Variants in PTPRD observed in about 807,000 individuals in gnomAD.
PTPRD encodes the protein protein tyrosine phosphatase receptor type D.
A neutral mutation model predicts 214.5 loss-of-function variants in PTPRD; 34 were observed. The ratio of observed to expected loss-of-function variants is 0.16; its 90% CI spans 0.12 to 0.21. The LOEUF (loss-of-function observed/expected upper bound fraction) is 0.21. Among genes scored for constraint, PTPRD ranks in the 10% least tolerant of loss-of-function variants. PTPRD has a pLI of 1.00. For synonymous variants in PTPRD, 1,128 were observed against 845.7 expected (o/e 1.33, Z -5.79); for missense variants, 2,545 against 2,398.7 (o/e 1.06, Z -1.27).
intron 5 of PTPRD, among the ~76,000 whole-genome samples, chr9:9,847,311 T>G (rs2153656249): frequency 6.6e-6 from 1 of 152,280 alleles, no homozygotes; most frequent in South Asian, 2.1e-4. Flanking sequence ...ACTGATGTGT[T>G]CTATGGTATT....
At chr9:8,989,770 G>T (rs2099359231) in intron 11 of PTPRD, among the ~76,000 whole-genome samples, 1 of 152,040 alleles carries the variant, frequency 6.6e-6, no homozygotes, top group African/African-American at 2.4e-5. Flanking sequence ...TTTGTTTTAT[G>T]CTCAAAAGAT....
chr9:8,460,010 T>C (rs377268136), intron 33 of PTPRD, among the ~76,000 whole-genome samples: 6 of 152,234 alleles, frequency 3.9e-5, no homozygotes, highest in African/African-American at 1.4e-4. Flanking sequence ...TGTATACAAA[T>C]TGCAAAATCG....
chr9:8,733,493 G>A (rs1324243363), intron 12 of PTPRD, among the ~76,000 whole-genome samples: 1 of 152,032 alleles, frequency 6.6e-6, no homozygotes, highest in East Asian at 1.9e-4. Context: ...TATATCCTTG[G>A]TCTCATAATA....
At chr9:9,569,107 A>C (rs1246070508) in intron 8 of PTPRD, among the ~76,000 whole-genome samples, 1 of 151,778 alleles carries the variant, frequency 6.6e-6, no homozygotes, top group Non-Finnish European at 1.5e-5. Flanking sequence ...TCATTTTCTT[A>C]ATTCTTACTC....
chr9:8,331,574 A>AAACTTACGATTCCTGAACTGT lies in PTPRD; in HGVS notation c.5534+7_5534+8insACAGTTCAGGAATCGTAAGTT, dbSNP rs368394000. ...TTATCACTGCTTTATTCACAAATGG[A>AAACTTACGATTCCTGAACTGT]AACTTACCTGCAATGGACTGAAATG... On this transcript the variant is annotated splice_region_variant and intron_variant, in intron 44 of 45. Coordinates refer to ENST00000381196, the MANE Select transcript of PTPRD (RefSeq NM_002839.4). The AAACTTACGATTCCTGAACTGT allele has an allele frequency of 8.8e-5, 142 of 1,612,180 alleles. 1 individual carries two copies. In the South Asian group the frequency reaches 1.4e-3, roughly 16 times the overall value.
chr9:9,938,474 G>A (rs569481487), intron 5 of PTPRD, 33 bp downstream of exon 5: 1 of 152,182 alleles, frequency 6.6e-6, no homozygotes, highest in South Asian at 2.1e-4. Flanking sequence ...TTGTGTCATG[G>A]GAAACTAGCA....
At chr9:9,134,460 T>C (rs1175164370) in intron 10 of PTPRD, among the ~76,000 whole-genome samples, 1 of 152,200 alleles carries the variant, frequency 6.6e-6, no homozygotes. Context: ...CTCCACTTGG[T>C]CTATGCTTGC....
intron 8 of PTPRD, among the ~76,000 whole-genome samples, chr9:9,432,533 T>C (rs533540960): frequency 6.6e-6 from 1 of 152,300 alleles, no homozygotes; most frequent in South Asian, 2.1e-4. Flanking sequence ...TGTGATTTAC[T>C]GAAGAGTTTT....
intron 7 of PTPRD, among the ~76,000 whole-genome samples, chr9:9,704,519 G>C (rs1159449583): frequency 6.6e-6 from 1 of 152,138 alleles, no homozygotes; most frequent in African/African-American, 2.4e-5. Flanking sequence ...TTCAAAGATT[G>C]GGTCCAATTC....
intron 8 of PTPRD, among the ~76,000 whole-genome samples, chr9:9,572,148 T>C (rs1360089430): frequency 6.6e-6 from 1 of 151,140 alleles, no homozygotes; most frequent in African/African-American, 2.4e-5. Flanking sequence ...CACCAAAGAG[T>C]TGAATATAAA....
At chr9:10,166,901 T>G (rs554023246) in intron 3 of PTPRD, among the ~76,000 whole-genome samples, 2 of 152,256 alleles carry the variant, frequency 1.3e-5, no homozygotes, top group Admixed American at 1.3e-4. Context: ...TATACAATAA[T>G]CAGCTATTCT....
chr9:9,577,873 C>T (rs2089450213), intron 7 of PTPRD, among the ~76,000 whole-genome samples: 1 of 151,666 alleles, frequency 6.6e-6, no homozygotes, highest in African/African-American at 2.4e-5. Flanking sequence ...TGGTGAAACC[C>T]CTTCTCTTCT....
At chr9:10,218,958 A>G (rs898999549) in intron 3 of PTPRD, among the ~76,000 whole-genome samples, 4 of 151,872 alleles carry the variant, frequency 2.6e-5, no homozygotes, top group Admixed American at 1.3e-4. Flanking sequence ...GAGAAAATTA[A>G]AAGTAAGAAG....
At chr9:10,319,520 G>A (rs904401190) in intron 3 of PTPRD, among the ~76,000 whole-genome samples, 1 of 151,908 alleles carries the variant, frequency 6.6e-6, no homozygotes, top group Non-Finnish European at 1.5e-5. Context: ...TTTTGTAAGG[G>A]GAAACAAGGA....
intron 36 of PTPRD, among the ~76,000 whole-genome samples, chr9:8,390,186 A>G (rs960350260): frequency 1.1e-4 from 17 of 152,150 alleles, no homozygotes; most frequent in African/African-American, 3.9e-4. Context: ...CAGTTTTAAG[A>G]AATTTATTTC....
chr9:8,587,137 G>A (rs754780966), intron 14 of PTPRD, among the ~76,000 whole-genome samples: 12 of 152,138 alleles, frequency 7.9e-5, no homozygotes, highest in African/African-American at 9.7e-5. Context: ...GCGACAGAGC[G>A]AGACTCCATC....
chr9:10,301,968 G>A (rs533609890), intron 3 of PTPRD, among the ~76,000 whole-genome samples: 60 of 152,236 alleles, frequency 3.9e-4, no homozygotes, highest in Non-Finnish European at 5.7e-4. Flanking sequence ...ACACATAATC[G>A]TCAGATTCAC....
chr9:9,270,435 G>T (rs1164631460), intron 9 of PTPRD, among the ~76,000 whole-genome samples: 3 of 151,314 alleles, frequency 2.0e-5, no homozygotes, highest in Non-Finnish European at 4.4e-5. Context: ...AAAAAGGGCA[G>T]AAAGAGCGTT....
intron 11 of PTPRD, among the ~76,000 whole-genome samples, chr9:8,871,646 G>C (rs555948079): frequency 2.6e-5 from 4 of 152,202 alleles, no homozygotes; most frequent in African/African-American, 9.6e-5. Flanking sequence ...CCCTAAAGCT[G>C]ACATGATCAT....
Sources: allele counts gnomAD v4.1 joint callset (sites outside exome capture counted in the v4.1 genomes callset), GRCh38; gene constraint gnomAD v4.1.1; transcripts MANE v1.5; gene names NCBI Gene and HGNC (gene_info 2026-07-23, HGNC 2026-07-21).